Variants in C10orf95 observed in about 807,000 individuals in gnomAD.
C10orf95 encodes chromosome 10 open reading frame 95.
For missense variants in C10orf95, 412 were observed against 327.4 expected (o/e 1.26, Z -1.99); for synonymous variants, 188 against 160.4 (o/e 1.17, Z -1.30).
chr10:102,450,359 A>C lies in C10orf95; in HGVS notation c.*93T>G, dbSNP rs2061683366. ...AGCAGCGCGTCCGCCTCCCGCGCAC[A>C]GGTGAGGGCTCACTTCTGCCTGTCG... On this transcript the variant is annotated 3_prime_UTR_variant, in exon 2 of 2. Transcript: ENST00000625129. 7.4e-7 allele frequency: 1 copy of C among 1,350,822 alleles called. No homozygotes were observed. The highest frequency in any genetic ancestry group is 1.0e-6 in the Non-Finnish European group (1 of 982,722). The allele number at this position is 1,350,822 out of a possible 1,614,324, so 83.7% of individuals were successfully genotyped here. A position where few individuals can be genotyped will look rare whatever the true frequency, so the allele number is the denominator to read the frequency against.
At position 102,450,325 on chromosome 10, in the gene C10orf95, A is replaced by C. The variant is rs1445564750; in HGVS notation, c.*127T>G. 1 of 1,040,598 alleles carries C rather than the reference A, an allele frequency of 9.6e-7. No individual in the cohort carries two copies. 64.5% of individuals were successfully genotyped at this position (1,040,598 alleles called of 1,614,324 possible). A position where few individuals can be genotyped will look rare whatever the true frequency, so the allele number is the denominator to read the frequency against. On this transcript the variant is annotated 3_prime_UTR_variant, in exon 2 of 2. Transcript: ENST00000625129. The stretch of plus-strand genomic sequence containing the variant: ...CCGGCAGTCATGGGAGAAGCCAAAA[A>C]GACAGGTGAGCAGCGCGTCCGCCTC...
Position 102,450,468 on chromosome 10 carries a change from C to A in C10orf95, c.626G>T (p.Ser209Ile). Residue 209 changes from serine to isoleucine, a missense_variant, in exon 2 of 2, where the codon AGC (serine) becomes ATC (isoleucine). By Grantham distance (142) the Ser-to-Ile change is moderately radical. Coordinates refer to ENST00000625129, the MANE Select transcript of C10orf95 (RefSeq NM_001363580.1). ...GCGGCGGCTTCAGCTCAGGCCCTTGCTCTTCCTGGGGCGGCCGCGCTCCGC... is the reference window on the plus strand; with the variant it reads ...GCGGCGGCTTCAGCTCAGGCCCTTGATCTTCCTGGGGCGGCCGCGCTCCGC... The part of the protein sequence containing the change: ...EAAERGRPRK[S>I]KGLS 1 of 1,496,780 alleles carries A rather than the reference C, an allele frequency of 6.7e-7. No individual in the cohort carries two copies. Among genetic ancestry groups the A allele is most frequent in the African/African-American group, 1.4e-5 (1 of 70,284 alleles). 92.7% of individuals were successfully genotyped at this position (1,496,780 alleles called of 1,614,324 possible).
rs370008740 is a variant in C10orf95, at chr10:102,451,429, G to T, written c.-98C>A. ...GGGAGCCGGCGGGATCCAGAGCGGG[G>T]CTCCTCTCCGCACTTTGTAGCTGCG... On this transcript the variant is annotated 5_prime_UTR_variant, in exon 1 of 2. Coordinates refer to ENST00000625129, the MANE Select transcript of C10orf95 (RefSeq NM_001363580.1). 2 of 1,467,638 alleles carry T rather than the reference G, an allele frequency of 1.4e-6. No individual in the cohort carries two copies. Among genetic ancestry groups the T allele is most frequent in the Non-Finnish European group, 1.8e-6 (2 of 1,089,574 alleles). The allele number at this position is 1,467,638 out of a possible 1,614,324, so 90.9% of individuals were successfully genotyped here.
At position 102,450,913 on chromosome 10, in the gene C10orf95, A is replaced by G; in HGVS notation, c.181T>C (p.Phe61Leu). The G allele has an allele frequency of 7.3e-6, 9 of 1,240,348 alleles. No individual in the cohort carries two copies. Among genetic ancestry groups the G allele is most frequent in the Non-Finnish European group, 8.1e-6 (8 of 992,886 alleles). The allele number at this position is 1,240,348 out of a possible 1,614,324, so 76.8% of individuals were successfully genotyped here. A position where few individuals can be genotyped will look rare whatever the true frequency, so the allele number is the denominator to read the frequency against. Residue 61 changes from phenylalanine (F) to leucine (L), a missense_variant, in exon 2 of 2, where the codon TTC (phenylalanine) becomes CTC (leucine). Coordinates refer to ENST00000625129, the MANE Select transcript of C10orf95 (RefSeq NM_001363580.1). ...EWAAPREYHR[F>L]YGPAAPPEAA... ...TCGGGTGGCGCGGCGGGGCCGTAGA[A>G]GCGGTGGTATTCCCGTGGGGCCGCC...
In C10orf95 at chr10:102,451,132, T is replaced by G. The variant is rs193070947; in HGVS notation, c.-39A>C. The stretch of plus-strand genomic sequence containing the variant: ...GGCGGCTGCTGTTCTTACTGGGGGC[T>G]CCTGCGGATCCAGACCTGCGGCGGA... On this transcript the variant is annotated 5_prime_UTR_variant, in exon 2 of 2. Coordinates refer to ENST00000625129, the MANE Select transcript of C10orf95 (RefSeq NM_001363580.1). The G allele has an allele frequency of 5.1e-4, 739 of 1,438,094 alleles. 6 individuals carry two copies. The African/African-American group carries it at 8.6e-3, about 17-fold the overall frequency. 89.1% of individuals were successfully genotyped at this position (1,438,094 alleles called of 1,614,324 possible).
At position 102,450,349 on chromosome 10, in the gene C10orf95, T is replaced by G. The variant is rs1465153950; in HGVS notation, c.*103A>C. On this transcript the variant is annotated 3_prime_UTR_variant, in exon 2 of 2. Transcript: ENST00000625129. Reference sequence around the variant, plus strand: ...AAGACAGGTGAGCAGCGCGTCCGCCTCCCGCGCACAGGTGAGGGCTCACTT... The same window carrying G: ...AAGACAGGTGAGCAGCGCGTCCGCCGCCCGCGCACAGGTGAGGGCTCACTT... The G allele has an allele frequency of 7.9e-7, 1 of 1,273,034 alleles. No individual in the cohort carries two copies. Among genetic ancestry groups the G allele is most frequent in the African/African-American group, 1.5e-5 (1 of 67,336 alleles). The allele number at this position is 1,273,034 out of a possible 1,614,324, so 78.9% of individuals were successfully genotyped here. A position where few individuals can be genotyped will look rare whatever the true frequency, so the allele number is the denominator to read the frequency against.
chr10:102,451,099 GCC>G lies in C10orf95; in HGVS notation c.-8_-7del. 7.0e-7 allele frequency: 1 copy of G among 1,437,962 alleles called. No homozygotes were observed. Among genetic ancestry groups the G allele is most frequent in the Non-Finnish European group, 9.1e-7 (1 of 1,097,996 alleles). The allele number at this position is 1,437,962 out of a possible 1,614,324, so 89.1% of individuals were successfully genotyped here. ...GGCCAGCTGTACACATACATGGTCG[GCC>G]CCCCAGGCGGCTGCTGTTCTTACTG... On this transcript the variant is annotated 5_prime_UTR_variant, in exon 2 of 2. Transcript: ENST00000625129.
Position 102,451,377 on chromosome 10 carries a change from C to T in C10orf95, c.-55+9G>A. ...GCCGGGATGCTCTTCCCAGTGACTCCCCACTCACTTGTCTCCTTCAGCCTT... is the reference window on the plus strand; with the variant it reads ...GCCGGGATGCTCTTCCCAGTGACTCTCCACTCACTTGTCTCCTTCAGCCTT... On this transcript the variant is annotated intron_variant, in intron 1 of 1. Coordinates refer to ENST00000625129, the MANE Select transcript of C10orf95 (RefSeq NM_001363580.1). 5.1e-6 allele frequency: 8 copies of T among 1,555,570 alleles called. No individual in the cohort carries two copies. Among genetic ancestry groups the T allele is most frequent in the Non-Finnish European group, 7.0e-6 (8 of 1,145,622 alleles).
chr10:102,450,486 C>A lies in C10orf95; in HGVS notation c.608G>T (p.Arg203Leu), dbSNP rs1304950278. 6.9e-7 allele frequency: 1 copy of A among 1,449,884 alleles called. No individual in the cohort carries two copies. The highest frequency in any genetic ancestry group is 9.0e-7 in the Non-Finnish European group (1 of 1,107,862). 89.8% of individuals were successfully genotyped at this position (1,449,884 alleles called of 1,614,324 possible). ...DSSPAREAAERGRPRKSKGLS is the reference protein window; with the variant it reads ...DSSPAREAAELGRPRKSKGLS The stretch of plus-strand genomic sequence containing the variant: ...GCCCTTGCTCTTCCTGGGGCGGCCG[C>A]GCTCCGCGGCTTCCCGGGCTGGGCT... Residue 203 changes from arginine to leucine, a missense_variant, in exon 2 of 2, where the codon CGC becomes CTC. Arg to Leu is a moderately radical substitution (Grantham distance 102, BLOSUM62 -2). Transcript: ENST00000625129.
At position 102,451,003 on chromosome 10, in the gene C10orf95, G is replaced by A. The variant is rs1258885388; in HGVS notation, c.91C>T (p.Leu31=). Residue 31 remains leucine, a synonymous_variant, in exon 2 of 2, where the codon CTG becomes TTG. Transcript: ENST00000625129. ...LTCTYLAAPL[L]LPPVQAHSFR... ...CTGTGGGCCTGGACTGGGGGTAGCA[G>A]CAGAGGGGCGGCCAGGTAGGTGCAG... The A allele has an allele frequency of 1.5e-6, 2 of 1,323,410 alleles. No homozygotes were observed. Among genetic ancestry groups the A allele is most frequent in the Non-Finnish European group, 9.7e-7 (1 of 1,035,518 alleles). 82.0% of individuals were successfully genotyped at this position (1,323,410 alleles called of 1,614,324 possible).
Position 102,450,873 on chromosome 10 carries a change from C to T in C10orf95, c.221G>A (p.Trp74Ter), listed in dbSNP as rs888945401. The change falls in exon 2 of 2, where the codon TGG (tryptophan) becomes TAG (stop). Residue 74 changes from tryptophan (W) to a stop codon, truncating the protein, a stop_gained. Coordinates refer to ENST00000625129, the MANE Select transcript of C10orf95 (RefSeq NM_001363580.1). LOFTEE classifies it low-confidence loss of function (END_TRUNC). ...GGCGTAGGCCGGAGGGCAGGCCCAC[C>T]AGGGCGGCGCGGCCTCGGGTGGCGC... is the stretch of plus-strand genomic sequence containing the variant. ...PAAPPEAAPP[W>*]WACPPAYATT... 3 of 1,233,124 alleles carry T rather than the reference C, an allele frequency of 2.4e-6. No individual in the cohort carries two copies. Among genetic ancestry groups the T allele is most frequent in the East Asian group, 3.2e-5 (1 of 31,698 alleles). 76.4% of individuals were successfully genotyped at this position (1,233,124 alleles called of 1,614,324 possible).
In C10orf95 at chr10:102,451,540, G is replaced by A. The variant is rs558490334; in HGVS notation, c.-209C>T. Reference sequence around the variant, plus strand: ...CTTGAGCTGGCCAGGAGCTACCAGCGTCTGTCTACACCTGGGTGAGCCGTA... The same window carrying A: ...CTTGAGCTGGCCAGGAGCTACCAGCATCTGTCTACACCTGGGTGAGCCGTA... On this transcript the variant is annotated 5_prime_UTR_variant, in exon 1 of 2. In the 5' UTR this introduces an upstream ATG that the reference lacks. Coordinates refer to ENST00000625129, the MANE Select transcript of C10orf95 (RefSeq NM_001363580.1). 1.6e-6 allele frequency: 2 copies of A among 1,288,048 alleles called. No homozygotes were observed. The highest frequency in any genetic ancestry group is 1.2e-5 in the South Asian group (1 of 82,946). The allele number at this position is 1,288,048 out of a possible 1,614,324, so 79.8% of individuals were successfully genotyped here.
rs1347692848 is a variant in C10orf95 at position 102,450,679 on chromosome 10, C to T, written c.415G>A (p.Asp139Asn). 6.5e-6 allele frequency: 8 copies of T among 1,234,246 alleles called. No homozygotes were observed. The highest frequency in any genetic ancestry group is 8.1e-6 in the Non-Finnish European group (8 of 989,530). The allele number at this position is 1,234,246 out of a possible 1,614,324, so 76.5% of individuals were successfully genotyped here. The part of the protein sequence containing the change: ...RARGPPLQLP[D>N]FVRRELRRAY... The stretch of plus-strand genomic sequence containing the variant: ...CGCCGCAGCTCCCGGCGCACGAAGT[C>T]CGGTAGCTGCAGAGGGGGGCCCCGC... The change falls in exon 2 of 2, where the codon GAC becomes AAC. Residue 139 changes from aspartate (D) to asparagine (N), a missense_variant. Physicochemically the swap from Asp to Asn is conservative, Grantham distance 23. Coordinates refer to ENST00000625129, the MANE Select transcript of C10orf95 (RefSeq NM_001363580.1).
rs774949295 is a variant in C10orf95 at position 102,450,353 on chromosome 10, G to A, written c.*99C>T. The A allele has an allele frequency of 6.5e-5, 85 of 1,312,748 alleles. No individual in the cohort carries two copies. Among genetic ancestry groups the A allele is most frequent in the Middle Eastern group, 1.8e-4 (1 of 5,480 alleles). 81.3% of individuals were successfully genotyped at this position (1,312,748 alleles called of 1,614,324 possible). A position where few individuals can be genotyped will look rare whatever the true frequency, so the allele number is the denominator to read the frequency against. ...CAGGTGAGCAGCGCGTCCGCCTCCC[G>A]CGCACAGGTGAGGGCTCACTTCTGC... On this transcript the variant is annotated 3_prime_UTR_variant, in exon 2 of 2. Coordinates refer to ENST00000625129, the MANE Select transcript of C10orf95 (RefSeq NM_001363580.1).
chr10:102,450,834 C>T lies in C10orf95; in HGVS notation c.260G>A (p.Arg87Gln), dbSNP rs950620359. 345 of 1,250,604 alleles carry T rather than the reference C, an allele frequency of 2.8e-4. No individual in the cohort carries two copies. Among genetic ancestry groups the T allele is most frequent in the Non-Finnish European group, 3.0e-4 (300 of 1,001,034 alleles). The allele number at this position is 1,250,604 out of a possible 1,614,324, so 77.5% of individuals were successfully genotyped here. ...CGAGATGCCGGCGGCGGCGCAGGGCCGGCGCAGGGTCGTGGCGTAGGCCGG... is the reference window on the plus strand; with the variant it reads ...CGAGATGCCGGCGGCGGCGCAGGGCTGGCGCAGGGTCGTGGCGTAGGCCGG... ...CPPAYATTLR[R>Q]PCAAAGISGL... Residue 87 changes from arginine to glutamine, a missense_variant, in exon 2 of 2, where the codon CGG becomes CAG. Transcript: ENST00000625129.
In C10orf95 at chr10:102,450,527, G is replaced by C. The variant is rs1326952684; in HGVS notation, c.567C>G (p.Pro189=). The change falls in exon 2 of 2, where the codon CCC becomes CCG. Residue 189 remains proline, a synonymous_variant. Coordinates refer to ENST00000625129, the MANE Select transcript of C10orf95 (RefSeq NM_001363580.1). ...GGGCTGGGCTGCTGTCGCCGCTGTC[G>C]GGCCGGCGCCGCACGCGCCACTCCA... ...HRVEWRVRRR[P]DSGDSSPARE... The C allele has an allele frequency of 3.6e-6, 5 of 1,378,124 alleles. No individual in the cohort carries two copies. The highest frequency in any genetic ancestry group is 7.1e-5 in the Admixed American group (2 of 27,990). The allele number at this position is 1,378,124 out of a possible 1,614,324, so 85.4% of individuals were successfully genotyped here.
chr10:102,450,520 C>T lies in C10orf95; in HGVS notation c.574G>A (p.Gly192Ser), dbSNP rs750124455. ...GCTTCCCGGGCTGGGCTGCTGTCGC[C>T]GCTGTCGGGCCGGCGCCGCACGCGC... is the stretch of plus-strand genomic sequence containing the variant. ...EWRVRRRPDSGDSSPAREAAE... is the reference protein window; with the variant it reads ...EWRVRRRPDSSDSSPAREAAE... The change falls in exon 2 of 2, where the codon GGC becomes AGC. Residue 192 changes from glycine to serine, a missense_variant. Coordinates refer to ENST00000625129, the MANE Select transcript of C10orf95 (RefSeq NM_001363580.1). 60 of 1,397,066 alleles carry T rather than the reference C, an allele frequency of 4.3e-5. No individual in the cohort carries two copies. The highest frequency in any genetic ancestry group is 7.6e-5 in the African/African-American group (5 of 65,602). The allele number at this position is 1,397,066 out of a possible 1,614,324, so 86.5% of individuals were successfully genotyped here.
rs202020850 is a variant in C10orf95, at chr10:102,451,012, C to A, written c.82G>T (p.Ala28Ser). The A allele has an allele frequency of 1.5e-6, 2 of 1,323,834 alleles. No individual in the cohort carries two copies. The highest frequency in any genetic ancestry group is 2.8e-5 in the East Asian group (1 of 36,096). The allele number at this position is 1,323,834 out of a possible 1,614,324, so 82.0% of individuals were successfully genotyped here. ...PQLLTCTYLA[A>S]PLLLPPVQAH... is the part of the protein sequence containing the mutation. ...TGGACTGGGGGTAGCAGCAGAGGGG[C>A]GGCCAGGTAGGTGCAGGTGAGCAGC... Residue 28 changes from alanine to serine, a missense_variant, in exon 2 of 2, where the codon GCC becomes TCC. By Grantham distance (99) the Ala-to-Ser change is moderately conservative. Transcript: ENST00000625129.
chr10:102,451,530 A>T lies in C10orf95; in HGVS notation c.-199T>A. ...AAGGAAACACCTTGAGCTGGCCAGGAGCTACCAGCGTCTGTCTACACCTGG... is the reference window on the plus strand; with the variant it reads ...AAGGAAACACCTTGAGCTGGCCAGGTGCTACCAGCGTCTGTCTACACCTGG... On this transcript the variant is annotated 5_prime_UTR_variant, in exon 1 of 2. Transcript: ENST00000625129. The T allele has an allele frequency of 7.6e-7, 1 of 1,320,608 alleles. No homozygotes were observed. Among genetic ancestry groups the T allele is most frequent in the South Asian group, 1.2e-5 (1 of 84,130 alleles). 81.8% of individuals were successfully genotyped at this position (1,320,608 alleles called of 1,614,324 possible).
Sources: allele counts gnomAD v4.1 joint callset, GRCh38; gene constraint gnomAD v4.1.1; transcripts MANE v1.5; gene names NCBI Gene and HGNC (gene_info 2026-07-23, HGNC 2026-07-21).